Variants in SNX25 observed in about 807,000 individuals in gnomAD.
SNX25 encodes sorting nexin 25.
A neutral mutation model predicts 113.7 loss-of-function variants in SNX25; 62 were observed. That is an observed-to-expected ratio of 0.55 (90% CI 0.44 to 0.67). The LOEUF (loss-of-function observed/expected upper bound fraction) is 0.67, where lower values mean the gene tolerates loss of function less well. Ranked by LOEUF, SNX25 falls within the 30% of genes least tolerant of loss-of-function variation. The pLI is 0.00. For synonymous variants in SNX25, 421 were observed against 436.2 expected, an observed-to-expected ratio of 0.97 and a Z score of 0.43; for missense variants, 1,014 against 1,161.0, an observed-to-expected ratio of 0.87 and a Z score of 1.84.
chr4:185,351,911 T>TGGGGGGGGGGGGGGGGGG (rs568440408), intron 14 of SNX25, among the ~76,000 whole-genome samples: 1 of 127,750 alleles, frequency 7.8e-6, no homozygotes, highest in African/African-American at 3.2e-5. Context: ...CATTGCGGGG[T>TGGGGGGGGGGGGGGGGGG]GGGGGGGTTC....
At chr4:185,242,966 G>C (rs560797043) in intron 1 of SNX25, among the ~76,000 whole-genome samples, 1 of 152,118 alleles carries the variant, frequency 6.6e-6, no homozygotes, top group South Asian at 2.1e-4. Context: ...CTGTTCTCCT[G>C]GCTTACAGAT....
intron 10 of SNX25, among the ~76,000 whole-genome samples, chr4:185,336,727 G>A (rs994822383): frequency 6.6e-6 from 1 of 152,144 alleles, no homozygotes; most frequent in African/African-American, 2.4e-5. Flanking sequence ...GCTCTTTAAG[G>A]AATCTCCATA....
chr4:185,348,292 AT>A (rs1358212453), intron 13 of SNX25, among the ~76,000 whole-genome samples: 2 of 152,238 alleles, frequency 1.3e-5, no homozygotes, highest in African/African-American at 2.4e-5. Context: ...CTGAAAAAAA[AT>A]GTTCTGAATA....
intron 13 of SNX25, among the ~76,000 whole-genome samples, chr4:185,349,965 A>C (rs952120714): frequency 2.0e-5 from 3 of 152,262 alleles, no homozygotes; most frequent in African/African-American, 7.2e-5. Context: ...CCTCACATAC[A>C]GGTTGAACTG....
chr4:185,208,987 T>TA (rs1183544477), upstream of SNX25, among the ~76,000 whole-genome samples: 6 of 152,168 alleles, frequency 3.9e-5, no homozygotes, highest in South Asian at 4.2e-4. Context: ...GAATAGTTGG[T>TA]AAAAAACAAA....
In SNX25 at chr4:185,304,704, G is replaced by A. The variant is rs144537985; in HGVS notation, c.1163-5931G>A. ...GAGTCTTGCTGTGTTGCCCAAGCTG[G>A]TTTTAAACTCCTGGCCTCAAGCCAT... On this transcript the variant is annotated intron_variant, in intron 6 of 18. Transcript: ENST00000652585. Among the ~76,000 whole-genome samples the A allele has an allele frequency of 1.2e-3, 176 of 152,152 alleles. 1 individual carries two copies. The Middle Eastern group carries it at 0.014, about 12-fold the overall frequency.
intron 1 of SNX25, among the ~76,000 whole-genome samples, chr4:185,238,897 G>A (rs1743061721): frequency 1.3e-5 from 2 of 152,186 alleles, no homozygotes; most frequent in Admixed American, 1.3e-4. Context: ...CTCCCAGTGA[G>A]CAGTGTCCTA....
At chr4:185,258,824 C>G in intron 2 of SNX25, 24 bp from the exon 3 acceptor site, 2 of 1,576,950 alleles carry the variant, frequency 1.3e-6, no homozygotes, top group Non-Finnish European at 1.7e-6. Flanking sequence ...TTGTTTTACT[C>G]ATTGCTTTGT....
intron 6 of SNX25, among the ~76,000 whole-genome samples, chr4:185,289,155 T>C (rs373923250): frequency 1.6e-4 from 24 of 152,302 alleles, no homozygotes; most frequent in Admixed American, 7.8e-4. Flanking sequence ...TGTGCAAATA[T>C]GTCCATTCAG....
intron 2 of SNX25, among the ~76,000 whole-genome samples, chr4:185,248,113 A>G (rs1301659061): frequency 6.6e-6 from 1 of 152,214 alleles, no homozygotes; most frequent in Non-Finnish European, 1.5e-5. Context: ...AAATCACCAT[A>G]TCAAAATCTG....
intron 7 of SNX25, among the ~76,000 whole-genome samples, chr4:185,314,785 G>T (rs1201328099): frequency 4.0e-5 from 6 of 150,496 alleles, no homozygotes; most frequent in Non-Finnish European, 7.4e-5. Flanking sequence ...TTGAACCCGG[G>T]AGGCGGAAGT....
At chr4:185,273,891 G>T (rs535935189) in intron 5 of SNX25, among the ~76,000 whole-genome samples, 1 of 152,188 alleles carries the variant, frequency 6.6e-6, no homozygotes, top group East Asian at 1.9e-4. Context: ...TGGTGTGGGG[G>T]CTCCATCCTT....
chr4:185,240,132 A>G (rs944934467), intron 1 of SNX25, among the ~76,000 whole-genome samples: 10 of 151,934 alleles, frequency 6.6e-5, no homozygotes, highest in East Asian at 1.9e-4. Context: ...TTTTCTTAGT[A>G]CAGAACAAAA....
At chr4:185,258,687 C>T (rs972360027) in intron 2 of SNX25, among the ~76,000 whole-genome samples, 161 bp from the exon 3 acceptor site, 2 of 152,140 alleles carry the variant, frequency 1.3e-5, no homozygotes, top group Non-Finnish European at 2.9e-5. Flanking sequence ...GAGAATCTTT[C>T]GTTTTAAAAG....
At chr4:185,207,407 G>A (rs1470675706), upstream of SNX25, among the ~76,000 whole-genome samples, 2 of 151,604 alleles carry the variant, frequency 1.3e-5, no homozygotes, top group Admixed American at 6.6e-5. Flanking sequence ...TAGTAGAGAC[G>A]GGGTTTTGCC....
chr4:185,282,972 A>T (rs574644080), intron 5 of SNX25, among the ~76,000 whole-genome samples: 1 of 152,162 alleles, frequency 6.6e-6, no homozygotes. Flanking sequence ...GGATGTATAT[A>T]TTGTATAGTT....
chr4:185,325,425 T>TG (rs2095149852), intron 9 of SNX25, among the ~76,000 whole-genome samples: 1 of 147,520 alleles, frequency 6.8e-6, no homozygotes, highest in Non-Finnish European at 1.5e-5. Flanking sequence ...CCCAGCTACT[T>TG]GGGAGGCTGA....
intron 1 of SNX25, among the ~76,000 whole-genome samples, chr4:185,238,439 C>T (rs1439196614): frequency 6.6e-6 from 1 of 152,084 alleles, no homozygotes; most frequent in Non-Finnish European, 1.5e-5. Context: ...TCTCATCCTT[C>T]TGAGGAGGGA....
chr4:185,247,846 A>G (rs1290587185), intron 2 of SNX25, among the ~76,000 whole-genome samples: 1 of 152,200 alleles, frequency 6.6e-6, no homozygotes, highest in Non-Finnish European at 1.5e-5. Flanking sequence ...TGGAAGGTAA[A>G]ATATGGCTAT....
Sources: gnomAD v4.1 joint callset for allele counts (sites outside exome capture counted in the v4.1 genomes callset) on GRCh38, gnomAD v4.1.1 for gene constraint, MANE v1.5 for transcripts, NCBI Gene and HGNC (gene_info 2026-07-23, HGNC 2026-07-21) for gene names.